Variants in ABL2 observed in about 807,000 individuals in gnomAD.
ABL2 encodes tyrosine-protein kinase ABL2.
A neutral mutation model predicts 107.7 loss-of-function variants in ABL2; 49 were observed. That is an observed-to-expected ratio of 0.45 (90% CI 0.36 to 0.58). The LOEUF (loss-of-function observed/expected upper bound fraction) is 0.58, where lower values mean the gene tolerates loss of function less well. Ranked by LOEUF, ABL2 falls within the 20% of genes least tolerant of loss-of-function variation. ABL2 has a pLI of 0.00. For missense variants in ABL2, 1,245 were observed against 1,457.0 expected, an observed-to-expected ratio of 0.85 and a Z score of 2.37; for synonymous variants, 549 against 548.6, an observed-to-expected ratio of 1.00 and a Z score of -0.01.
At chr1:179,199,099 T>C (rs1339234701) in intron 1 of ABL2, among the ~76,000 whole-genome samples, 1 of 152,098 alleles carries the variant, frequency 6.6e-6, no homozygotes, top group African/African-American at 2.4e-5. Flanking sequence ...CGCCTCGGCC[T>C]CCCAAAGTGC....
intron 1 of ABL2, among the ~76,000 whole-genome samples, chr1:179,156,571 C>T (rs1396612130): frequency 1.3e-5 from 2 of 152,088 alleles, no homozygotes; most frequent in Non-Finnish European, 2.9e-5. Context: ...CATTACATAC[C>T]TTAGTTAATA....
At chr1:179,112,955 T>C (rs1347507691) in intron 9 of ABL2, among the ~76,000 whole-genome samples, 7 of 152,194 alleles carry the variant, frequency 4.6e-5, no homozygotes, top group African/African-American at 1.7e-4. Flanking sequence ...GGTTTCGCCA[T>C]GTTGGCCATG....
rs1363935769 is a variant in ABL2 at position 179,118,598 on chromosome 1, A to C, written c.1212T>G (p.Asn404Lys). Residue 404 changes from asparagine (N) to lysine (K), a missense_variant, in exon 7 of 12, where the codon AAT becomes AAG. Physicochemically the swap from Asn to Lys is moderately conservative, Grantham distance 94. This residue lies in a region of ABL2 where 320 missense variants were observed against 547.0 expected (regional missense o/e 0.59). Transcript: ENST00000502732. ...TAAGTTTTACACACCTATGGATGAA[A>C]TTCTTCTTCTCTAAGTACTCCATTG... ...SSAMEYLEKK[N>K]FIHRDLAARN... 2 of 1,613,336 alleles carry C rather than the reference A, an allele frequency of 1.2e-6. No homozygotes were observed. The highest frequency in any genetic ancestry group is 2.2e-5 in the South Asian group (2 of 91,026).
At position 179,107,524 on chromosome 1, in the gene ABL2, C is replaced by G; in HGVS notation, c.*194G>C. ...TGCCTTGCCCCCACTTAATTTACCT[C>G]TCCTATACTTATGTGGTTTGCTTCT... On this transcript the variant is annotated 3_prime_UTR_variant, in exon 12 of 12. Coordinates refer to ENST00000502732, the MANE Select transcript of ABL2 (RefSeq NM_007314.4). The G allele has an allele frequency of 1.7e-6, 2 of 1,155,258 alleles. No homozygotes were observed. The allele number at this position is 1,155,258 out of a possible 1,614,324, so 71.6% of individuals were successfully genotyped here. A position where few individuals can be genotyped will look rare whatever the true frequency, so the allele number is the denominator to read the frequency against.
intron 1 of ABL2, 34 bp downstream of exon 1, chr1:179,229,207 C>CCCCCCCCCCCCCCCACA: frequency 6.7e-7 from 1 of 1,485,454 alleles, no homozygotes; most frequent in Non-Finnish European, 9.0e-7. Context: ...CCGGCCTCCC[C>CCCCCCCCCCCCCCCACA]CACGCTCTCA....
rs930795501 is a variant in ABL2 at position 179,200,927 on chromosome 1, G to A, written c.157+28314C>T. ...CCAGCAATGAATTAAAACAACATGT[G>A]TAAAATGCTGTCTCCAAGGTTCTTC... On this transcript the variant is annotated intron_variant, in intron 1 of 11. Transcript: ENST00000502732. Among the ~76,000 whole-genome samples the A allele has an allele frequency of 3.9e-5, 6 of 152,318 alleles. No homozygotes were observed. In the South Asian group the frequency reaches 1.0e-3, roughly 26 times the overall value.
rs1278150712 is a variant in ABL2 at position 179,173,670 on chromosome 1, T to TA, written c.158-40297_158-40296insT. Among the ~76,000 whole-genome samples, 4 of 152,118 alleles carry TA rather than the reference T, an allele frequency of 2.6e-5. No homozygotes were observed. In the East Asian group the frequency reaches 7.7e-4, roughly 29 times the overall value. On this transcript the variant is annotated intron_variant, in intron 1 of 11. Transcript: ENST00000502732. ...CAGCCAGAAAGGCTTTTAATAGGTT[T>TA]TTAGAATAATAATTTACTTTGCCCC...
intron 1 of ABL2, among the ~76,000 whole-genome samples, chr1:179,206,630 T>A (rs1336591231): frequency 1.3e-5 from 2 of 151,916 alleles, no homozygotes; most frequent in African/African-American, 2.4e-5. Flanking sequence ...CAGGTACACA[T>A]GCATAATATA....
chr1:179,182,696 A>G (rs1433280234), intron 1 of ABL2, among the ~76,000 whole-genome samples: 1 of 152,154 alleles, frequency 6.6e-6, no homozygotes, highest in African/African-American at 2.4e-5. Context: ...TAAACCTTTT[A>G]ATCTTAATTG....
In ABL2 at chr1:179,229,280, GC is replaced by G; in HGVS notation, c.117del (p.Arg40AlafsTer50). ...RPSGRRRDPA[G>X]RTTETGFNIF... is the part of the protein sequence containing the mutation. ...ATATTGAAGCCGGTCTCTGTGGTGC[GC>G]CCCGCCGGGTCCCGCCTGCGGCCGG... On this transcript the variant is annotated frameshift_variant, in exon 1 of 12. Transcript: ENST00000502732. LOFTEE classifies it high-confidence loss of function. 1 of 1,565,744 alleles carries G rather than the reference GC, an allele frequency of 6.4e-7. No homozygotes were observed. The highest frequency in any genetic ancestry group is 1.4e-5 in the African/African-American group (1 of 72,778).
Position 179,121,972 on chromosome 1 carries a change from C to G in ABL2, c.688-105G>C, listed in dbSNP as rs184544294. 5.6e-4 allele frequency: 615 copies of G among 1,096,446 alleles called. 5 individuals carry two copies. In the African/African-American group the frequency reaches 9.8e-3, roughly 17 times the overall value. 67.9% of individuals were successfully genotyped at this position (1,096,446 alleles called of 1,614,324 possible). On this transcript the variant is annotated intron_variant, in intron 4 of 11. Coordinates refer to ENST00000502732, the MANE Select transcript of ABL2 (RefSeq NM_007314.4). ...ATGGAGTCTTGTTCTGTCACCCAGG[C>G]TGGAGTGCACTGGCGCGATCTCGGC...
chr1:179,101,377 C>CT lies in ABL2; in HGVS notation c.*6340dup, dbSNP rs71108091. On this transcript the variant is annotated 3_prime_UTR_variant, in exon 12 of 12. Coordinates refer to ENST00000502732, the MANE Select transcript of ABL2 (RefSeq NM_007314.4). ...ATATTGAGTCAGAAATGAAGGTATC[C>CT]TTTTTTTTTTTTTTCTTCTTAACGT... 116,307 of 168,290 alleles carry CT rather than the reference C, an allele frequency of 0.69. 39,097 individuals carry two copies. Among genetic ancestry groups the CT allele is most frequent in the African/African-American group, 0.85 (33,441 of 39,472 alleles). The allele number at this position is 168,290 out of a possible 1,614,324, so 10.4% of individuals were successfully genotyped here. A position where few individuals can be genotyped will look rare whatever the true frequency, so the allele number is the denominator to read the frequency against.
intron 1 of ABL2, among the ~76,000 whole-genome samples, chr1:179,198,204 T>C (rs1268070653): frequency 4.7e-5 from 7 of 147,822 alleles, no homozygotes; most frequent in Non-Finnish European, 8.9e-5. Context: ...TTCCAGGTGA[T>C]TTTGATACAC....
intron 1 of ABL2, among the ~76,000 whole-genome samples, chr1:179,225,434 C>G (rs1558010824): frequency 2.6e-5 from 4 of 152,172 alleles, no homozygotes; most frequent in African/African-American, 9.7e-5. Flanking sequence ...TAGATTCGAG[C>G]ACCTACATTT....
rs553170353 is a variant in ABL2 at position 179,221,204 on chromosome 1, G to C, written c.157+8037C>G. The C allele has an allele frequency of 1.4e-5, 3 of 215,342 alleles. No homozygotes were observed. In the East Asian group the frequency reaches 3.0e-4, roughly 22 times the overall value. 13.3% of individuals were successfully genotyped at this position (215,342 alleles called of 1,614,324 possible). A position where few individuals can be genotyped will look rare whatever the true frequency, so the allele number is the denominator to read the frequency against. ...CTTAGTAGGCCAACGGGCTAAAAGA[G>C]AAGACAAACTGTTAGCACTGTCCTC... On this transcript the variant is annotated intron_variant, in intron 1 of 11. Transcript: ENST00000502732.
chr1:179,211,890 T>C (rs1662296781), intron 1 of ABL2, among the ~76,000 whole-genome samples: 1 of 152,174 alleles, frequency 6.6e-6, no homozygotes, highest in Non-Finnish European at 1.5e-5. Flanking sequence ...ATCTGCACTG[T>C]AACATGCCAG....
At chr1:179,175,260 A>C (rs1659977974) in intron 1 of ABL2, among the ~76,000 whole-genome samples, 1 of 152,182 alleles carries the variant, frequency 6.6e-6, no homozygotes, top group Admixed American at 6.6e-5. Context: ...GAAATGGGTA[A>C]GGTACCAAAC....
At chr1:179,143,103 T>C in intron 1 of ABL2, 1 of 1,588,102 alleles carries the variant, frequency 6.3e-7, no homozygotes, top group Non-Finnish European at 8.6e-7. Context: ...GTCTTAGAAT[T>C]CCATTCTCTG....
intron 1 of ABL2, 150 bp from the exon 2 acceptor site, chr1:179,133,524 C>A (rs1656549473): frequency 2.4e-6 from 3 of 1,274,376 alleles, no homozygotes; most frequent in Non-Finnish European, 2.2e-6. Flanking sequence ...CTACTCCATA[C>A]CTCAAATTGT....
Sources: gnomAD v4.1 joint callset for allele counts (sites outside exome capture counted in the v4.1 genomes callset) on GRCh38, gnomAD v4.1.1 for gene constraint, gnomAD v4.1.1 regional missense constraint, MANE v1.5 for transcripts, NCBI Gene and HGNC (gene_info 2026-07-23, HGNC 2026-07-21) for gene names.